The following NTNG1 variants were observed in gnomAD, a reference collection of about 807,000 sequenced individuals.
The protein encoded by NTNG1 is netrin G1.
In NTNG1, 16 loss-of-function variants were observed where a neutral mutation model predicts 54.0. The observed-to-expected ratio is 0.30, with a 90% CI of 0.20 to 0.45. NTNG1 has a LOEUF of 0.45. Ranked by LOEUF, NTNG1 falls within the 20% of genes least tolerant of loss-of-function variation. The probability of loss-of-function intolerance (pLI) is 1.00; values close to 1 mark genes in which losing one functional copy is unlikely to be tolerated. For synonymous variants in NTNG1, 255 were observed against 263.1 expected (o/e 0.97, Z 0.30); for missense variants, 530 against 678.7 (o/e 0.78, Z 2.43).
intron 3 of NTNG1, among the ~76,000 whole-genome samples, chr1:107,390,372 CA>C (rs1283355635): frequency 1.3e-5 from 2 of 152,218 alleles, no homozygotes; most frequent in African/African-American, 4.8e-5. Flanking sequence ...TTACGCTATG[CA>C]AATGCTTTGT....
At chr1:107,222,216 C>T (rs933977132) in intron 2 of NTNG1, among the ~76,000 whole-genome samples, 4 of 152,090 alleles carry the variant, frequency 2.6e-5, no homozygotes, top group Non-Finnish European at 5.9e-5. Context: ...CCCTGTACTT[C>T]CCACATGTTA....
chr1:107,144,148 T>C (rs1653938932), intron 1 of NTNG1, among the ~76,000 whole-genome samples: 1 of 152,138 alleles, frequency 6.6e-6, no homozygotes, highest in Non-Finnish European at 1.5e-5. Flanking sequence ...GAGCATTGAA[T>C]ACATGTTAAA....
chr1:107,411,361 T>C (rs188763817), intron 5 of NTNG1, among the ~76,000 whole-genome samples: 1 of 152,324 alleles, frequency 6.6e-6, no homozygotes, highest in East Asian at 1.9e-4. Flanking sequence ...CAGGGATCTG[T>C]CAGCCTGTTG....
At chr1:107,225,485 T>A (rs989903887) in intron 2 of NTNG1, among the ~76,000 whole-genome samples, 5 of 152,158 alleles carry the variant, frequency 3.3e-5, no homozygotes, top group African/African-American at 1.2e-4. Flanking sequence ...GTTCAGACAT[T>A]GCTTTGGATT....
intron 2 of NTNG1, among the ~76,000 whole-genome samples, chr1:107,155,058 A>C (rs900964269): frequency 5.9e-5 from 9 of 152,100 alleles, no homozygotes; most frequent in African/African-American, 2.2e-4. Flanking sequence ...TCACTTGCAA[A>C]GTGTGAGAAG....
At chr1:107,470,461 A>G (rs11805159) in intron 7 of NTNG1, among the ~76,000 whole-genome samples, 3,050 of 152,314 alleles carry the variant, frequency 0.02, 107 homozygotes, top group African/African-American at 0.069. Context: ...TTTTGGTACA[A>G]TTGATTGTAG....
chr1:107,384,412 C>A (rs1449276351), intron 3 of NTNG1, among the ~76,000 whole-genome samples: 1 of 152,100 alleles, frequency 6.6e-6, no homozygotes, highest in African/African-American at 2.4e-5. Flanking sequence ...CTTGTTCCAT[C>A]AACTTCTGGG....
At chr1:107,435,349 A>T (rs926947445) in intron 6 of NTNG1, among the ~76,000 whole-genome samples, 3 of 152,188 alleles carry the variant, frequency 2.0e-5, no homozygotes, top group African/African-American at 7.2e-5. Flanking sequence ...TCTAGTTGTT[A>T]AGTACAAACT....
intron 7 of NTNG1, among the ~76,000 whole-genome samples, chr1:107,480,043 G>C (rs1431723648): frequency 6.6e-6 from 1 of 151,528 alleles, no homozygotes; most frequent in Admixed American, 6.6e-5. Flanking sequence ...TCTGGCTGCC[G>C]CCTGCCTGGA....
At chr1:107,238,824 G>A (rs1330480146) in intron 2 of NTNG1, among the ~76,000 whole-genome samples, 8 of 150,566 alleles carry the variant, frequency 5.3e-5, no homozygotes, top group South Asian at 2.1e-4. Context: ...GCCCACTCTC[G>A]GGTATGTCTT....
intron 7 of NTNG1, among the ~76,000 whole-genome samples, chr1:107,463,697 T>G (rs1469759324): frequency 6.6e-6 from 1 of 152,170 alleles, no homozygotes; most frequent in African/African-American, 2.4e-5. Context: ...AAAATGTACT[T>G]GTGGCTTGCA....
chr1:107,199,213 C>G (rs535392318), intron 2 of NTNG1, among the ~76,000 whole-genome samples: 1 of 151,548 alleles, frequency 6.6e-6, no homozygotes, highest in Non-Finnish European at 1.5e-5. Flanking sequence ...CAGTTATCTC[C>G]CCAGTTTTCT....
intron 7 of NTNG1, among the ~76,000 whole-genome samples, chr1:107,439,071 G>A (rs1032269695): frequency 3.9e-5 from 6 of 152,262 alleles, no homozygotes; most frequent in East Asian, 1.9e-4. Context: ...GTTCACATCC[G>A]AATGAGAGGC....
chr1:107,321,993 C>G (rs1011686176), intron 2 of NTNG1, among the ~76,000 whole-genome samples: 1 of 152,120 alleles, frequency 6.6e-6, no homozygotes. Context: ...AAGGATTACC[C>G]AGGAAAATGT....
At chr1:107,291,438 C>A (rs1248926085) in intron 2 of NTNG1, among the ~76,000 whole-genome samples, 1 of 152,048 alleles carries the variant, frequency 6.6e-6, no homozygotes, top group Non-Finnish European at 1.5e-5. Flanking sequence ...GGGCTAGCAC[C>A]CCTAACCCAT....
intron 1 of NTNG1, among the ~76,000 whole-genome samples, chr1:107,145,746 CA>C (rs1408829907): frequency 1.3e-5 from 2 of 152,090 alleles, no homozygotes; most frequent in Admixed American, 6.5e-5. Flanking sequence ...CACAGTCCTG[CA>C]ACTGCCTAAT....
At chr1:107,141,223 G>T (rs1653653294) in intron 1 of NTNG1, 83 bp downstream of exon 1, 1 of 151,798 alleles carries the variant, frequency 6.6e-6, no homozygotes, top group South Asian at 2.1e-4. Flanking sequence ...GGGCGCGATC[G>T]GAATCCCCGG....
chr1:107,363,191 A>G (rs1166073146), intron 3 of NTNG1, among the ~76,000 whole-genome samples: 2 of 152,222 alleles, frequency 1.3e-5, no homozygotes, highest in African/African-American at 2.4e-5. Flanking sequence ...CCTGAATTTC[A>G]TGAACATATG....
intron 2 of NTNG1, among the ~76,000 whole-genome samples, chr1:107,315,341 AC>A (rs1639543527): frequency 6.6e-6 from 1 of 151,850 alleles, no homozygotes; most frequent in Non-Finnish European, 1.5e-5. Context: ...TCTGCTGCCT[AC>A]CCCCTTAGGA....
Sources: gnomAD v4.1 joint callset for allele counts (sites outside exome capture counted in the v4.1 genomes callset) on GRCh38, gnomAD v4.1.1 for gene constraint, MANE v1.5 for transcripts, NCBI Gene and HGNC (gene_info 2026-07-23, HGNC 2026-07-21) for gene names.